MFN2: variants seen among roughly 807,000 people sequenced by gnomAD.
MFN2 encodes mitofusin 2.
In MFN2, 43 loss-of-function variants were observed where a neutral mutation model predicts 87.5. That is an observed-to-expected ratio of 0.49 (90% confidence interval 0.38 to 0.63). MFN2 has a LOEUF of 0.63. MFN2 is among the 30% of genes least tolerant of loss of function. The pLI, the probability that MFN2 is intolerant of heterozygous loss-of-function variation, is 0.00. For missense variants in MFN2, 743 were observed against 972.8 expected (o/e 0.76, Z 3.14); for synonymous variants, 337 against 359.9 (o/e 0.94, Z 0.72).
At chr1:11,981,044 C>A (rs1645975066) in intron 1 of MFN2, among the ~76,000 whole-genome samples, 1 of 152,210 alleles carries the variant, frequency 6.6e-6, no homozygotes, top group African/African-American at 2.4e-5. Flanking sequence ...CCGTTACCCC[C>A]TCTCGTAATC....
chr1:12,001,957 C>G, intron 10 of MFN2, 25 bp from the exon 11 acceptor site: 3 of 1,614,172 alleles, frequency 1.9e-6, no homozygotes, highest in Non-Finnish European at 1.7e-6. Flanking sequence ...GCCCCCACCT[C>G]CCTCCGTGCC....
chr1:12,011,978 C>T lies in MFN2; in HGVS notation c.*413C>T, dbSNP rs558887681. ...CTGTGCGCACCTGCCCTCCTTGCAG[C>T]CCAGCACACCTGCAGGTGTAAGGGA... is the stretch of plus-strand genomic sequence containing the variant. On this transcript the variant is annotated 3_prime_UTR_variant, in exon 19 of 19. Coordinates refer to ENST00000235329, the MANE Select transcript of MFN2 (RefSeq NM_014874.4). 92 of 251,998 alleles carry T rather than the reference C, an allele frequency of 3.7e-4. No homozygotes were observed. Among genetic ancestry groups the T allele is most frequent in the Non-Finnish European group, 4.4e-4 (56 of 125,934 alleles). 15.6% of individuals were successfully genotyped at this position (251,998 alleles called of 1,614,324 possible).
intron 18 of MFN2, among the ~76,000 whole-genome samples, chr1:12,010,145 ACT>A (rs1639627787): frequency 1.3e-5 from 2 of 151,784 alleles, no homozygotes; most frequent in Admixed American, 6.6e-5. Context: ...CAAGAGCAAA[ACT>A]CTGTCTCAAA....
chr1:11,992,574 A>C lies in MFN2; in HGVS notation c.195A>C (p.Glu65Asp), dbSNP rs1297357606. Residue 65 changes from glutamate (E) to aspartate (D), a missense_variant, in exon 4 of 19, where the codon GAA (glutamate) becomes GAC (aspartate). Around this residue, in one of 3 missense-constraint regions of MFN2, gnomAD observed 141 missense variants for 278.9 expected, o/e 0.51. Coordinates refer to ENST00000235329, the MANE Select transcript of MFN2 (RefSeq NM_014874.4). ...CTCCAGACACGTACAGGAATGCAGA[A>C]CTGGACCCCGTTACCACAGAAGAAC... ...TFLEDTYRNA[E>D]LDPVTTEEQV... is the part of the protein sequence containing the mutation. 6.2e-7 allele frequency: 1 copy of C among 1,614,206 alleles called. No individual in the cohort carries two copies. The highest frequency in any genetic ancestry group is 1.7e-5 in the Admixed American group (1 of 60,022).
intron 5 of MFN2, 38 bp downstream of exon 5, chr1:11,996,356 TG>T (rs775748137): frequency 1.2e-5 from 20 of 1,612,758 alleles, no homozygotes; most frequent in Non-Finnish European, 1.3e-5. Flanking sequence ...CTGTGCCTGC[TG>T]GGGGAGCAAG....
intron 6 of MFN2, among the ~76,000 whole-genome samples, chr1:11,998,440 T>C (rs1639024812): frequency 6.6e-6 from 1 of 151,826 alleles, no homozygotes; most frequent in Admixed American, 6.6e-5. Context: ...GCCAGCTACT[T>C]GGGAGGCTGA....
chr1:11,989,202 G>C lies in MFN2; in HGVS notation c.34G>C (p.Val12Leu), dbSNP rs367715413. 1 of 1,614,026 alleles carries C rather than the reference G, an allele frequency of 6.2e-7. No individual in the cohort carries two copies. Among genetic ancestry groups the C allele is most frequent in the Admixed American group, 1.7e-5 (1 of 60,006 alleles). The part of the protein sequence containing the change: ...SLLFSRCNSI[V>L]TVKKNKRHMA... ...GCTCTTCTCTCGATGCAACTCTATC[G>C]TCACAGTCAAGAAAAATAAGAGACA... The change falls in exon 3 of 19, where the codon GTC becomes CTC. Residue 12 changes from valine to leucine, a missense_variant. Coordinates refer to ENST00000235329, the MANE Select transcript of MFN2 (RefSeq NM_014874.4).
intron 18 of MFN2, among the ~76,000 whole-genome samples, chr1:12,010,633 G>C (rs1049648038): frequency 1.3e-5 from 2 of 152,096 alleles, no homozygotes; most frequent in African/African-American, 4.8e-5. Context: ...TAATTTGCTG[G>C]AAAGAACATC....
chr1:12,005,573 CTTGACTGGGGTGTGGTT>C, intron 14 of MFN2, 121 bp from the exon 15 acceptor site: 1 of 921,012 alleles, frequency 1.1e-6, no homozygotes, highest in Non-Finnish European at 1.8e-6. Context: ...CACGGGCCAA[CTTGACTGGGGTGTGGTT>C]CCCAGGCAAA....
At chr1:11,998,406 G>A (rs921897575) in intron 6 of MFN2, among the ~76,000 whole-genome samples, 2 of 151,864 alleles carry the variant, frequency 1.3e-5, no homozygotes, top group Non-Finnish European at 2.9e-5. Context: ...AAATTAGCTG[G>A]GCATGGTGGT....
chr1:11,981,918 G>GTGTTTTGTTT, intron 1 of MFN2, 52 bp from the exon 2 acceptor site: 1 of 66,832 alleles, frequency 1.5e-5, no homozygotes, highest in African/African-American at 1.1e-4. Context: ...TTGTACACCA[G>GTGTTTTGTTT]TGTTTTTTTT....
intron 14 of MFN2, 99 bp from the exon 15 acceptor site, chr1:12,005,612 T>TC (rs1326515956): frequency 1.6e-6 from 2 of 1,252,192 alleles, no homozygotes; most frequent in Non-Finnish European, 1.2e-6. Flanking sequence ...CTGTTCAGCA[T>TC]CCCTGGCAGT....
At chr1:11,999,193 CT>C in intron 8 of MFN2, 98 bp downstream of exon 8, 1 of 974,830 alleles carries the variant, frequency 1.0e-6, no homozygotes, top group Non-Finnish European at 1.7e-6. Flanking sequence ...AGTGACTTCC[CT>C]GAATTAATTT....
chr1:12,006,951 G>T, intron 16 of MFN2, 102 bp from the exon 17 acceptor site: 1 of 1,452,916 alleles, frequency 6.9e-7, no homozygotes, highest in Non-Finnish European at 9.6e-7. Flanking sequence ...AAACATGAAG[G>T]CTCCTTGGCT....
rs1569853976 is a variant in MFN2 at position 12,002,010 on chromosome 1, C to T, written c.1067C>T (p.Thr356Ile). The change falls in exon 11 of 19, where the codon ACC (threonine) becomes ATC (isoleucine). Residue 356 changes from threonine to isoleucine, a missense_variant. Physicochemically the swap from Thr to Ile is moderately conservative, Grantham distance 89. Around this residue, in one of 3 missense-constraint regions of MFN2, gnomAD observed 571 missense variants for 670.7 expected, o/e 0.85. Transcript: ENST00000235329. The part of the protein sequence containing the change: ...EECISQSAVK[T>I]KFEQHTVRAK... The stretch of plus-strand genomic sequence containing the variant: ...TGCATCTCCCAGTCTGCAGTGAAGA[C>T]CAAGTTTGAGCAGCACACGGTCCGG... 1.2e-6 allele frequency: 2 copies of T among 1,614,088 alleles called. No homozygotes were observed. The highest frequency in any genetic ancestry group is 2.7e-5 in the African/African-American group (2 of 74,930).
In MFN2 at chr1:12,003,950, T is replaced by G; in HGVS notation, c.1161-42T>G. The G allele has an allele frequency of 6.2e-7, 1 of 1,613,788 alleles. No homozygotes were observed. The highest frequency in any genetic ancestry group is 8.5e-7 in the Non-Finnish European group (1 of 1,179,796). On this transcript the variant is annotated intron_variant, in intron 11 of 18. Transcript: ENST00000235329. This position sits in a 1 kb window ranked among gnomAD's most constrained non-coding sequence, Gnocchi z 4.1. ...CATCCCCTCTTGCTCCTCTGCTTAG[T>G]CAGACAGGAACATGGATTTCTCACC...
At chr1:11,999,116 GT>G in intron 8 of MFN2, 21 bp downstream of exon 8, 2 of 1,609,574 alleles carry the variant, frequency 1.2e-6, no homozygotes, top group Non-Finnish European at 1.7e-6. Flanking sequence ...CTGTTTGGCA[GT>G]TTGGGGAATG....
At chr1:11,992,146 CAAGG>C (rs1281893384) in intron 3 of MFN2, 1 of 238,784 alleles carries the variant, frequency 4.2e-6, no homozygotes, top group Non-Finnish European at 8.4e-6. Flanking sequence ...AAAAAATAAA[CAAGG>C]AAGGCAGTTA....
At chr1:11,998,917 C>G in intron 7 of MFN2, 39 bp downstream of exon 7, 1 of 1,610,980 alleles carries the variant, frequency 6.2e-7, no homozygotes. Flanking sequence ...TCCCAGCACC[C>G]CCTGGGCAGG....
Sources: gnomAD v4.1 joint callset for allele counts (sites outside exome capture counted in the v4.1 genomes callset) on GRCh38, gnomAD v4.1.1 for gene constraint, gnomAD v4.1.1 regional missense constraint, Gnocchi (gnomAD v3.1) non-coding constraint, MANE v1.5 for transcripts, NCBI Gene and HGNC (gene_info 2026-07-23, HGNC 2026-07-21) for gene names.